The following SORCS2 variants were observed in gnomAD, a reference collection of about 807,000 sequenced individuals.
SORCS2 encodes the protein sortilin related VPS10 domain containing receptor 2.
In SORCS2, 100 loss-of-function variants were observed where a neutral mutation model predicts 141.6. The ratio of observed to expected loss-of-function variants is 0.71; its 90% CI spans 0.60 to 0.83. The LOEUF (loss-of-function observed/expected upper bound fraction) is 0.83. Among genes scored for constraint, SORCS2 ranks in the 40% least tolerant of loss-of-function variants. The pLI is 0.00. For synonymous variants in SORCS2, 789 were observed against 676.9 expected, an observed-to-expected ratio of 1.17 and a Z score of -2.57; for missense variants, 1,646 against 1,560.2, an observed-to-expected ratio of 1.05 and a Z score of -0.93.
chr4:7,396,108 C>G (rs567032605), intron 1 of SORCS2, among the ~76,000 whole-genome samples, 180 bp from the exon 2 acceptor site: 120 of 152,320 alleles, frequency 7.9e-4, no homozygotes, highest in African/African-American at 2.8e-3. Flanking sequence ...AATAAGCCCA[C>G]GTCTAAGGGC....
chr4:7,219,347 T>C lies in SORCS2; in HGVS notation c.480+26221T>C, dbSNP rs1577289726. ...ACTTGGCTTTAGAATATCTGCTATC[T>C]AGGCCGCATTCTAAGGAGCCTGGTT... On this transcript the variant is annotated intron_variant, in intron 1 of 26. Transcript: ENST00000507866. 2.0e-5 allele frequency among the ~76,000 whole-genome samples: 3 copies of C among 152,156 alleles called. No individual in the cohort carries two copies. In the South Asian group the frequency reaches 6.2e-4, roughly 32 times the overall value.
At chr4:7,412,163 A>T in intron 2 of SORCS2, among the ~76,000 whole-genome samples, 1 of 152,080 alleles carries the variant, frequency 6.6e-6, no homozygotes, top group East Asian at 1.9e-4. Flanking sequence ...AGCTGCCCGG[A>T]GTGTGTCACG....
chr4:7,608,884 T>C (rs1176207102), intron 3 of SORCS2, among the ~76,000 whole-genome samples: 1 of 152,104 alleles, frequency 6.6e-6, no homozygotes, highest in Non-Finnish European at 1.5e-5. Context: ...GGAGCTCCCA[T>C]TCAAAGGGAG....
chr4:7,314,500 C>T (rs558562006), intron 1 of SORCS2, among the ~76,000 whole-genome samples: 15 of 152,098 alleles, frequency 9.9e-5, no homozygotes, highest in Non-Finnish European at 1.2e-4. Flanking sequence ...CCACCACGCC[C>T]GGCTACATTT....
chr4:7,195,546 C>T lies in SORCS2; in HGVS notation c.480+2420C>T, dbSNP rs556465117. 2.0e-5 allele frequency among the ~76,000 whole-genome samples: 3 copies of T among 152,266 alleles called. No individual in the cohort carries two copies. In the South Asian group the frequency reaches 6.2e-4, roughly 32 times the overall value. On this transcript the variant is annotated intron_variant, in intron 1 of 26. Transcript: ENST00000507866. ...ATCATCCTGAACCTCAGGGAGCAGG[C>T]GAGGCTGCAGGAGTTTGACCTTGCC...
At chr4:7,511,346 A>G (rs1560344431) in intron 2 of SORCS2, among the ~76,000 whole-genome samples, 1 of 126,576 alleles carries the variant, frequency 7.9e-6, no homozygotes, top group African/African-American at 2.8e-5. Flanking sequence ...AGAGAGAGGG[A>G]GGGAGAGAGA....
chr4:7,506,359 GA>G (rs1333957769), intron 2 of SORCS2, among the ~76,000 whole-genome samples: 1 of 152,142 alleles, frequency 6.6e-6, no homozygotes, highest in East Asian at 1.9e-4. Context: ...TCCATTGGGG[GA>G]AAAAATAACT....
At chr4:7,556,500 A>G (rs971280556) in intron 3 of SORCS2, among the ~76,000 whole-genome samples, 3 of 152,206 alleles carry the variant, frequency 2.0e-5, no homozygotes, top group African/African-American at 7.2e-5. Flanking sequence ...GCACGGACTC[A>G]GCTGGACACA....
At chr4:7,617,363 C>T (rs1401644799) in intron 3 of SORCS2, among the ~76,000 whole-genome samples, 2 of 152,158 alleles carry the variant, frequency 1.3e-5, no homozygotes, top group Non-Finnish European at 2.9e-5. Context: ...TGCACCTACC[C>T]ATCCACCCAC....
chr4:7,465,191 G>T (rs974779070), intron 2 of SORCS2, among the ~76,000 whole-genome samples: 1 of 152,212 alleles, frequency 6.6e-6, no homozygotes, highest in African/African-American at 2.4e-5. Context: ...AGGCAGCCCC[G>T]AGCAGGAGGC....
chr4:7,672,701 C>A (rs1418204821), intron 8 of SORCS2, among the ~76,000 whole-genome samples: 1 of 152,178 alleles, frequency 6.6e-6, no homozygotes, highest in Admixed American at 6.5e-5. Context: ...CTGGATACCC[C>A]TCATATCCAT....
chr4:7,436,481 G>A (rs1330932463), intron 2 of SORCS2, among the ~76,000 whole-genome samples: 9 of 152,296 alleles, frequency 5.9e-5, no homozygotes, highest in East Asian at 1.9e-4. Flanking sequence ...CCACCCCCAC[G>A]GCGCTGCCTT....
chr4:7,522,174 T>C (rs1351170592), intron 2 of SORCS2, among the ~76,000 whole-genome samples: 1 of 152,164 alleles, frequency 6.6e-6, no homozygotes, highest in Non-Finnish European at 1.5e-5. Context: ...CTTTCACACC[T>C]GCGCGTGTGA....
Position 7,733,385 on chromosome 4 carries a change from G to A in SORCS2, c.3172G>A (p.Val1058Ile). The A allele has an allele frequency of 6.3e-7, 1 of 1,592,050 alleles. No individual in the cohort carries two copies. Among genetic ancestry groups the A allele is most frequent in the Non-Finnish European group, 8.5e-7 (1 of 1,169,860 alleles). The change falls in exon 24 of 27, where the codon GTC becomes ATC. Residue 1058 changes from valine to isoleucine, a missense_variant. Val to Ile is a conservative substitution (Grantham distance 29). Transcript: ENST00000507866. ...QKISFLLRGG[V>I]RVLVALRDTG... ...GATCAGCTTCCTCCTGCGAGGCGGA[G>A]TCCGGGTCCTGGTGGCCCTGCGGGA...
intron 1 of SORCS2, among the ~76,000 whole-genome samples, chr4:7,291,903 C>T (rs568679038): frequency 1.2e-4 from 18 of 152,334 alleles, no homozygotes; most frequent in African/African-American, 4.8e-5. Context: ...GCCCCTCAAC[C>T]GTAAACATCC....
chr4:7,678,267 C>A (rs940756178), intron 9 of SORCS2, among the ~76,000 whole-genome samples: 1 of 149,636 alleles, frequency 6.7e-6, no homozygotes, highest in Non-Finnish European at 1.5e-5. Flanking sequence ...CAGAGCCACA[C>A]ACACAGGCAT....
At chr4:7,639,323 C>T (rs1560446863) in intron 4 of SORCS2, among the ~76,000 whole-genome samples, 3 of 152,366 alleles carry the variant, frequency 2.0e-5, no homozygotes, top group South Asian at 2.1e-4. Flanking sequence ...CAGCTGCTGG[C>T]AGCTGCCAGT....
At chr4:7,499,748 G>A (rs1731845880) in intron 2 of SORCS2, among the ~76,000 whole-genome samples, 1 of 93,180 alleles carries the variant, frequency 1.1e-5, no homozygotes, top group South Asian at 4.8e-4. Flanking sequence ...TCAAACGCTG[G>A]CATCTGGAGA....
intron 3 of SORCS2, among the ~76,000 whole-genome samples, chr4:7,590,766 C>T (rs1465182652): frequency 1.3e-5 from 2 of 152,226 alleles, no homozygotes; most frequent in African/African-American, 4.8e-5. Context: ...GCGCCGGCTA[C>T]TGCTGACACC....
Sources: gnomAD v4.1 joint callset for allele counts (sites outside exome capture counted in the v4.1 genomes callset) on GRCh38, gnomAD v4.1.1 for gene constraint, MANE v1.5 for transcripts, NCBI Gene and HGNC (gene_info 2026-07-23, HGNC 2026-07-21) for gene names.